SLC45A4: variants seen among roughly 807,000 people sequenced by gnomAD.
SLC45A4 encodes the protein solute carrier family 45 member 4, also known as polyamine-transporter SLC45A4.
Under a neutral mutation model 63.7 loss-of-function variants are expected in SLC45A4, and 32 were observed. That is an observed-to-expected ratio of 0.50 (90% CI 0.38 to 0.67). SLC45A4 has a LOEUF of 0.67. SLC45A4 is among the 30% of genes least tolerant of loss of function. The pLI is 0.00. For synonymous variants in SLC45A4, 535 were observed against 510.0 expected, an observed-to-expected ratio of 1.05 and a Z score of -0.66; for missense variants, 1,027 against 1,157.7, an observed-to-expected ratio of 0.89 and a Z score of 1.64.
chr8:141,269,464 CTGTGTG>C lies in SLC45A4; in HGVS notation c.-400-14841_-400-14836del, dbSNP rs10573168. On this transcript the variant is annotated intron_variant, in intron 1 of 8. Transcript: ENST00000517878. ...TGTGTGTCGATGTCTGCCTATGTGTCTGTGTGTGTGTGTGTGTGTGTGTGTGATGTC... is the reference window on the plus strand; with the variant it reads ...TGTGTGTCGATGTCTGCCTATGTGTCTGTGTGTGTGTGTGTGTGTGATGTC... Among the ~76,000 whole-genome samples the C allele has an allele frequency of 1.4e-3, 201 of 147,190 alleles. 1 individual carries two copies. Among genetic ancestry groups the C allele is most frequent in the African/African-American group, 3.8e-3 (152 of 39,550 alleles).
At chr8:141,277,733 G>A (rs1829784209) in intron 1 of SLC45A4, among the ~76,000 whole-genome samples, 5 of 151,772 alleles carry the variant, frequency 3.3e-5, no homozygotes, top group South Asian at 2.1e-4. Flanking sequence ...TCCGCCTCCC[G>A]GGTTCACGCC....
chr8:141,229,342 C>A lies in SLC45A4; in HGVS notation c.242-7577G>T, dbSNP rs1827214355. On this transcript the variant is annotated intron_variant, in intron 2 of 8. Coordinates refer to ENST00000517878, the MANE Select transcript of SLC45A4 (RefSeq NM_001286646.2). This position sits in a 1 kb window ranked among gnomAD's most constrained non-coding sequence, Gnocchi z 5.0. ...CACAACACCCTACCCTACCCACTGG[C>A]TGGACAGCCCATGCCAGACCGCTTC... Among the ~76,000 whole-genome samples, 1 of 152,114 alleles carries A rather than the reference C, an allele frequency of 6.6e-6. No homozygotes were observed. Among genetic ancestry groups the A allele is most frequent in the Non-Finnish European group, 1.5e-5 (1 of 68,014 alleles).
chr8:141,228,877 C>T (rs1303933160), intron 2 of SLC45A4, among the ~76,000 whole-genome samples: 1 of 152,168 alleles, frequency 6.6e-6, no homozygotes, highest in South Asian at 2.1e-4. Flanking sequence ...TCTAGACCTC[C>T]TCTGGGGTCC....
intron 1 of SLC45A4, among the ~76,000 whole-genome samples, chr8:141,281,231 T>C (rs540833815): frequency 6.6e-6 from 1 of 152,200 alleles, no homozygotes; most frequent in African/African-American, 2.4e-5. Flanking sequence ...CCCAGCTACT[T>C]GGGAGGCTGA....
chr8:141,284,090 G>C (rs1563673000), intron 1 of SLC45A4, among the ~76,000 whole-genome samples: 1 of 152,192 alleles, frequency 6.6e-6, no homozygotes, highest in Non-Finnish European at 1.5e-5. Flanking sequence ...TATGCAATTT[G>C]CTTAATGACT....
intron 1 of SLC45A4, among the ~76,000 whole-genome samples, chr8:141,274,517 A>G (rs1829657437): frequency 6.7e-6 from 1 of 148,302 alleles, no homozygotes; most frequent in South Asian, 2.2e-4. Flanking sequence ...CTGGGCGACA[A>G]GAGAGAAACT....
At chr8:141,212,658 C>CGA in intron 7 of SLC45A4, 102 bp from the exon 8 acceptor site, 2 of 1,378,472 alleles carry the variant, frequency 1.5e-6, no homozygotes, top group South Asian at 2.9e-5. Context: ...AAACATGACC[C>CGA]GTCTTCCACC....
intron 1 of SLC45A4, among the ~76,000 whole-genome samples, chr8:141,255,481 T>C (rs937009652): frequency 2.6e-5 from 4 of 152,206 alleles, no homozygotes; most frequent in African/African-American, 7.2e-5. Context: ...ATTGGGGGGC[T>C]GAAGCAGGTG....
intron 3 of SLC45A4, among the ~76,000 whole-genome samples, chr8:141,220,082 C>T (rs1054043249): frequency 6.6e-6 from 1 of 152,210 alleles, no homozygotes; most frequent in African/African-American, 2.4e-5. Flanking sequence ...CAAGGGTTTA[C>T]GCGCCCTTGA....
Position 141,256,361 on chromosome 8 carries a change from G to A in SLC45A4, c.-400-1732C>T. On this transcript the variant is annotated intron_variant, in intron 1 of 8. Coordinates refer to ENST00000517878, the MANE Select transcript of SLC45A4 (RefSeq NM_001286646.2). This position sits in a 1 kb window ranked among gnomAD's most constrained non-coding sequence, Gnocchi z 4.3. ...CTTACTGAGAATTTTTCCAACAACTGGTTTCAACAAAAATATTTCTCATTA... is the reference window on the plus strand; with the variant it reads ...CTTACTGAGAATTTTTCCAACAACTAGTTTCAACAAAAATATTTCTCATTA... 2.9e-6 allele frequency: 1 copy of A among 349,424 alleles called. No homozygotes were observed. Among genetic ancestry groups the A allele is most frequent in the Middle Eastern group, 8.9e-4 (1 of 1,128 alleles). The allele number at this position is 349,424 out of a possible 1,614,324, so 21.6% of individuals were successfully genotyped here. A position where few individuals can be genotyped will look rare whatever the true frequency, so the allele number is the denominator to read the frequency against.
chr8:141,267,210 A>G (rs1327967736), intron 1 of SLC45A4, among the ~76,000 whole-genome samples: 2 of 152,270 alleles, frequency 1.3e-5, no homozygotes, highest in East Asian at 3.8e-4. Context: ...CCTTGGCCTC[A>G]GCAGCTTCAC....
chr8:141,235,648 G>A (rs1827588255), intron 2 of SLC45A4, among the ~76,000 whole-genome samples: 2 of 152,216 alleles, frequency 1.3e-5, no homozygotes, highest in Admixed American at 1.3e-4. Context: ...AAGAGGGAGA[G>A]AGGGGCAGGC....
intron 7 of SLC45A4, among the ~76,000 whole-genome samples, chr8:141,213,989 C>T (rs1176502028): frequency 6.6e-6 from 1 of 152,042 alleles, no homozygotes; most frequent in African/African-American, 2.4e-5. Flanking sequence ...GGTGGATCAC[C>T]TGAGGTCAGG....
At chr8:141,237,532 C>T (rs1311952525) in intron 2 of SLC45A4, among the ~76,000 whole-genome samples, 2 of 152,200 alleles carry the variant, frequency 1.3e-5, no homozygotes, top group Non-Finnish European at 2.9e-5. Flanking sequence ...CCATGCTTAC[C>T]TTTAGAAGCG....
Position 141,218,183 on chromosome 8 carries a change from T to A in SLC45A4, c.1457A>T (p.Glu486Val). The A allele has an allele frequency of 6.2e-7, 1 of 1,604,614 alleles. No individual in the cohort carries two copies. ...CACCGTGGTCTCGCCCTCCCCCTCCTCACTCTCGGTGTCCCCGCTGGAGGT... is the reference window on the plus strand; with the variant it reads ...CACCGTGGTCTCGCCCTCCCCCTCCACACTCTCGGTGTCCCCGCTGGAGGT... ...ATTSSGDTES[E>V]EGEGETTVRL... Residue 486 changes from glutamate (E) to valine (V), a missense_variant, in exon 5 of 9, where the codon GAG becomes GTG. Transcript: ENST00000517878.
At chr8:141,260,460 AGTG>A (rs1828999073) in intron 1 of SLC45A4, among the ~76,000 whole-genome samples, 2 of 152,210 alleles carry the variant, frequency 1.3e-5, no homozygotes, top group African/African-American at 4.8e-5. Context: ...CCAGTTTTAA[AGTG>A]AGTATCTTGA....
At chr8:141,226,510 G>C (rs1176343805) in intron 2 of SLC45A4, 1 of 152,286 alleles carries the variant, frequency 6.6e-6, no homozygotes, top group Non-Finnish European at 1.5e-5. Context: ...GTGCTGGCCT[G>C]TCCCCTCTGG....
At chr8:141,271,304 C>A (rs1172714292) in intron 1 of SLC45A4, among the ~76,000 whole-genome samples, 1 of 152,230 alleles carries the variant, frequency 6.6e-6, no homozygotes, top group African/African-American at 2.4e-5. Flanking sequence ...CATCACCTCA[C>A]AGCTTCTGGG....
chr8:141,281,104 T>A lies in SLC45A4; in HGVS notation c.-400-26475A>T, dbSNP rs1041954853. ...CTGTAATCCCAGCACTTTGGGAGGC[T>A]GAGGCGGGTGGATCACCTGAGGTCA... On this transcript the variant is annotated intron_variant, in intron 1 of 8. Transcript: ENST00000517878. 1.8e-4 allele frequency among the ~76,000 whole-genome samples: 27 copies of A among 152,334 alleles called. 1 individual carries two copies. The East Asian group carries it at 4.0e-3, about 23-fold the overall frequency.
Sources: gnomAD v4.1 joint callset for allele counts (sites outside exome capture counted in the v4.1 genomes callset) on GRCh38, gnomAD v4.1.1 for gene constraint, Gnocchi (gnomAD v3.1) non-coding constraint, MANE v1.5 for transcripts, NCBI Gene and HGNC (gene_info 2026-07-23, HGNC 2026-07-21) for gene names.